Variants in MED13L observed in about 807,000 individuals in gnomAD.
The protein encoded by MED13L is mediator complex subunit 13L, also known as mediator of RNA polymerase II transcription subunit 13-like.
MED13L carries 7 observed loss-of-function variants against 220.9 expected under a neutral mutation model. The observed-to-expected ratio is 0.03, with a 90% CI of 0.02 to 0.06. The LOEUF is 0.06. Ranked by LOEUF, MED13L falls within the 10% of genes least tolerant of loss-of-function variation. MED13L has a pLI of 1.00. For synonymous variants in MED13L, 1,011 were observed against 1,015.2 expected, an observed-to-expected ratio of 1.00 and a Z score of 0.08; for missense variants, 1,965 against 2,760.5, an observed-to-expected ratio of 0.71 and a Z score of 6.46.
intron 4 of MED13L, among the ~76,000 whole-genome samples, chr12:116,051,826 G>A (rs1331446937): frequency 1.3e-5 from 2 of 152,170 alleles, no homozygotes; most frequent in Non-Finnish European, 2.9e-5. Flanking sequence ...CACTCAAAAA[G>A]TTACAACTTT....
At chr12:116,019,481 G>A (rs1879925487) in intron 6 of MED13L, 69 bp from the exon 7 acceptor site, 2 of 1,539,164 alleles carry the variant, frequency 1.3e-6, no homozygotes, top group African/African-American at 1.4e-5. Flanking sequence ...CCAATTTTAT[G>A]ATTCCAATGG....
intron 4 of MED13L, among the ~76,000 whole-genome samples, chr12:116,063,143 G>A (rs572326356): frequency 1.9e-4 from 29 of 152,174 alleles, no homozygotes; most frequent in Non-Finnish European, 3.1e-4. Context: ...TTCTTTCCCC[G>A]CCCAGTCTCA....
intron 13 of MED13L, 114 bp from the exon 14 acceptor site, chr12:116,003,216 A>G: frequency 2.4e-6 from 2 of 841,614 alleles, no homozygotes; most frequent in South Asian, 2.8e-5. Flanking sequence ...AGCGTTTACC[A>G]GGTGAACCTC....
chr12:115,994,570 T>C (rs80342485), intron 16 of MED13L, among the ~76,000 whole-genome samples: 1,651 of 152,276 alleles, frequency 0.011, 10 homozygotes, highest in Non-Finnish European at 0.017. Flanking sequence ...AAAGATGTAA[T>C]AGATCTAAAT....
chr12:116,005,870 C>T lies in MED13L; in HGVS notation c.2468G>A (p.Gly823Glu), dbSNP rs1879015895. ...TTTATGTAGCTACGGCAAACTCACC[C>T]CAAGTTCGTCGTCATCAGAATTATC... is the stretch of plus-strand genomic sequence containing the variant. ...IFDNSDDDELGAVSPALRSSK... is the reference protein window; with the variant it reads ...IFDNSDDDELEAVSPALRSSK... Residue 823 changes from glycine (G) to glutamate (E), a missense_variant and splice_region_variant, in exon 13 of 31, where the codon GGG (glycine) becomes GAG (glutamate). By Grantham distance (98) the Gly-to-Glu change is moderately conservative. This residue lies in a region of MED13L where 818 missense variants were observed against 1,041.2 expected (regional missense o/e 0.79). Coordinates refer to ENST00000281928, the MANE Select transcript of MED13L (RefSeq NM_015335.5). 6.2e-7 allele frequency: 1 copy of T among 1,613,664 alleles called. No homozygotes were observed. The highest frequency in any genetic ancestry group is 8.5e-7 in the Non-Finnish European group (1 of 1,179,758).
intron 2 of MED13L, among the ~76,000 whole-genome samples, chr12:116,177,528 TA>T (rs1880161827): frequency 6.6e-6 from 1 of 152,226 alleles, no homozygotes; most frequent in African/African-American, 2.4e-5. Flanking sequence ...CACTTTGCCT[TA>T]AATCTCAGTC....
At chr12:116,141,325 G>T (rs1877050990) in intron 2 of MED13L, among the ~76,000 whole-genome samples, 1 of 152,170 alleles carries the variant, frequency 6.6e-6, no homozygotes, top group Admixed American at 6.5e-5. Context: ...GCAGTACACT[G>T]TATTATAATC....
At chr12:116,162,092 G>A (rs1319404653) in intron 2 of MED13L, among the ~76,000 whole-genome samples, 1 of 152,074 alleles carries the variant, frequency 6.6e-6, no homozygotes, top group Non-Finnish European at 1.5e-5. Flanking sequence ...TAATCAAACT[G>A]CAACTGTAAG....
At chr12:116,019,054 A>G (rs1373387814) in intron 7 of MED13L, among the ~76,000 whole-genome samples, 170 bp downstream of exon 7, 1 of 152,160 alleles carries the variant, frequency 6.6e-6, no homozygotes, top group Non-Finnish European at 1.5e-5. Context: ...GAAGTGTATG[A>G]ATTCTGTTTG....
chr12:116,096,080 G>A (rs1184729671), intron 4 of MED13L, among the ~76,000 whole-genome samples: 5 of 151,834 alleles, frequency 3.3e-5, no homozygotes, highest in African/African-American at 4.8e-5. Context: ...GAGGCCGGGC[G>A]CAATGGCTCG....
At chr12:116,003,959 GAA>G (rs1336372493) in intron 13 of MED13L, among the ~76,000 whole-genome samples, 1 of 152,138 alleles carries the variant, frequency 6.6e-6, no homozygotes, top group Non-Finnish European at 1.5e-5. Flanking sequence ...AACACTCAGA[GAA>G]ATGAAAATTT....
chr12:116,008,283 CAAG>C lies in MED13L; in HGVS notation c.2012+115_2012+117del, dbSNP rs759030299. The C allele has an allele frequency of 4.3e-6, 6 of 1,381,688 alleles. No homozygotes were observed. In the South Asian group the frequency reaches 4.5e-5, roughly 10 times the overall value. The allele number at this position is 1,381,688 out of a possible 1,614,324, so 85.6% of individuals were successfully genotyped here. On this transcript the variant is annotated intron_variant, in intron 10 of 30. Transcript: ENST00000281928. ...ATTAAACATTTTCCATATCCGGAGT[CAAG>C]AAGGACAAAGAAAAGCCTACTTCAA...
chr12:116,200,565 G>A (rs992200566), intron 2 of MED13L, among the ~76,000 whole-genome samples: 1 of 152,104 alleles, frequency 6.6e-6, no homozygotes, highest in African/African-American at 2.4e-5. Context: ...TATGTTAAAA[G>A]TGCTAACAGA....
chr12:116,046,362 T>A (rs1881835092), intron 4 of MED13L, among the ~76,000 whole-genome samples: 1 of 152,198 alleles, frequency 6.6e-6, no homozygotes, highest in African/African-American at 2.4e-5. Context: ...GTTAATGCTC[T>A]GATACAAAAT....
At chr12:116,029,957 T>G (rs903013871) in intron 4 of MED13L, among the ~76,000 whole-genome samples, 2 of 151,744 alleles carry the variant, frequency 1.3e-5, no homozygotes, top group Non-Finnish European at 2.9e-5. Flanking sequence ...TTTTTGGGTT[T>G]TTTGTTTGTT....
intron 4 of MED13L, among the ~76,000 whole-genome samples, chr12:116,067,168 A>C (rs1241046244): frequency 6.6e-6 from 1 of 152,192 alleles, no homozygotes; most frequent in African/African-American, 2.4e-5. Context: ...AAATATGTAA[A>C]AACTATTTTT....
intron 3 of MED13L, among the ~76,000 whole-genome samples, chr12:116,107,472 T>C (rs1032531698): frequency 2.6e-5 from 4 of 152,202 alleles, no homozygotes; most frequent in African/African-American, 9.6e-5. Flanking sequence ...ACAAATGAAA[T>C]TGTATTATTC....
At chr12:116,218,261 T>C (rs1468703807) in intron 2 of MED13L, among the ~76,000 whole-genome samples, 6 of 152,214 alleles carry the variant, frequency 3.9e-5, no homozygotes, top group Non-Finnish European at 5.9e-5. Flanking sequence ...GGATTTTTTA[T>C]AGCTCTCAAG....
chr12:115,992,512 A>G (rs1006292691), intron 16 of MED13L, among the ~76,000 whole-genome samples: 12 of 152,150 alleles, frequency 7.9e-5, no homozygotes, highest in African/African-American at 2.7e-4. Context: ...ACATTTTTCT[A>G]ATTTTCAAAA....
Sources: gnomAD v4.1 joint callset for allele counts (sites outside exome capture counted in the v4.1 genomes callset) on GRCh38, gnomAD v4.1.1 for gene constraint, gnomAD v4.1.1 regional missense constraint, MANE v1.5 for transcripts, NCBI Gene and HGNC (gene_info 2026-07-23, HGNC 2026-07-21) for gene names.